IQCJ: variants seen among roughly 807,000 people sequenced by gnomAD.
IQCJ encodes the protein IQ domain-containing protein J.
IQCJ carries 9 observed loss-of-function variants against 11.0 expected under a neutral mutation model. That is an observed-to-expected ratio of 0.82 (90% CI 0.49 to 1.43). IQCJ has a LOEUF of 1.43. IQCJ is among the 40% of genes most tolerant of loss of function. The pLI is 0.00. For missense variants in IQCJ, 146 were observed against 133.2 expected (o/e 1.10, Z -0.47); for synonymous variants, 55 against 51.3 (o/e 1.07, Z -0.31).
intron 1 of IQCJ, among the ~76,000 whole-genome samples, chr3:159,204,073 T>G (rs1405170816): frequency 6.6e-6 from 1 of 152,206 alleles, no homozygotes; most frequent in Non-Finnish European, 1.5e-5. Flanking sequence ...ACAAAAGAGC[T>G]GAGTCTCCAC....
At chr3:159,125,679 C>T (rs980796605) in intron 1 of IQCJ, among the ~76,000 whole-genome samples, 5 of 152,220 alleles carry the variant, frequency 3.3e-5, no homozygotes, top group African/African-American at 1.2e-4. Context: ...ATTCACTGCC[C>T]TGTCATCTGA....
intron 1 of IQCJ, among the ~76,000 whole-genome samples, chr3:159,111,453 A>G (rs1718627212): frequency 6.6e-6 from 1 of 152,188 alleles, no homozygotes; most frequent in Non-Finnish European, 1.5e-5. Flanking sequence ...ATCTGGGGCT[A>G]TATTCTTGGG....
chr3:159,158,760 T>A (rs1721673091), intron 1 of IQCJ, among the ~76,000 whole-genome samples: 3 of 152,242 alleles, frequency 2.0e-5, no homozygotes, highest in African/African-American at 4.8e-5. Context: ...GATGTAGCCA[T>A]GTCACACTAT....
chr3:159,181,486 T>C lies in IQCJ; in HGVS notation c.10-64357T>C, dbSNP rs547073909. On this transcript the variant is annotated intron_variant, in intron 1 of 3. Transcript: ENST00000397832. ...ACCTCTTTATCCCTGAGTTGTCACC[T>C]GAACTGAACTTTAGGCTCAGAATCT... Among the ~76,000 whole-genome samples the C allele has an allele frequency of 5.1e-4, 76 of 150,306 alleles. 1 individual carries two copies. The highest frequency in any genetic ancestry group is 1.8e-3 in the African/African-American group (74 of 40,618).
At chr3:159,069,627 G>T in intron 1 of IQCJ, 186 bp downstream of exon 1, 1 of 745,610 alleles carries the variant, frequency 1.3e-6, no homozygotes, top group Non-Finnish European at 2.1e-6. Context: ...ATGTAGGCAT[G>T]TGTGCATAAA....
chr3:159,072,043 C>T (rs1314339114), intron 1 of IQCJ, among the ~76,000 whole-genome samples: 5 of 152,118 alleles, frequency 3.3e-5, no homozygotes, highest in African/African-American at 9.7e-5. Context: ...CATTGCCAAG[C>T]TGGCTTCTAG....
At chr3:159,265,197 A>C (rs1171100932), downstream of IQCJ, 2 of 1,606,084 alleles carry the variant, frequency 1.2e-6, no homozygotes, top group Non-Finnish European at 1.7e-6. Flanking sequence ...AGCTTGTTTT[A>C]TCTGCTGTGA....
chr3:159,091,652 AC>A (rs1717297106), intron 1 of IQCJ, among the ~76,000 whole-genome samples: 1 of 51,362 alleles, frequency 1.9e-5, no homozygotes, highest in Non-Finnish European at 4.1e-5. Flanking sequence ...GTATTTACAC[AC>A]ACACACACAC....
intron 1 of IQCJ, among the ~76,000 whole-genome samples, chr3:159,233,647 T>C (rs952339110): frequency 1.3e-5 from 2 of 152,130 alleles, no homozygotes; most frequent in Admixed American, 6.5e-5. Flanking sequence ...ATTTTACAGA[T>C]GATAAAACTG....
chr3:159,154,255 A>G (rs1721390744), intron 1 of IQCJ, among the ~76,000 whole-genome samples: 1 of 152,188 alleles, frequency 6.6e-6, no homozygotes, highest in African/African-American at 2.4e-5. Context: ...TCCACTTTAA[A>G]GAAATCCAAA....
chr3:159,120,024 A>C (rs985798968), intron 1 of IQCJ, among the ~76,000 whole-genome samples: 2 of 152,206 alleles, frequency 1.3e-5, no homozygotes, highest in Admixed American at 6.5e-5. Flanking sequence ...GCATGCCTTC[A>C]ATATATTTAC....
intron 1 of IQCJ, among the ~76,000 whole-genome samples, chr3:159,200,783 C>T (rs1281972600): frequency 1.3e-5 from 2 of 152,184 alleles, no homozygotes; most frequent in Non-Finnish European, 2.9e-5. Context: ...CAAGACTACA[C>T]TCAAGACTAC....
At chr3:159,216,723 T>C (rs80144560) in intron 1 of IQCJ, among the ~76,000 whole-genome samples, 5,358 of 152,232 alleles carry the variant, frequency 0.035, 285 homozygotes, top group African/African-American at 0.12. Context: ...CTTGTAGAAA[T>C]GCACAGTCCA....
intron 1 of IQCJ, among the ~76,000 whole-genome samples, chr3:159,232,707 G>C (rs1019159374): frequency 1.3e-5 from 2 of 152,066 alleles, no homozygotes; most frequent in African/African-American, 4.8e-5. Flanking sequence ...TGTTGATTTG[G>C]GGTGGAGAGT....
chr3:159,217,006 T>C (rs1248455373), intron 1 of IQCJ, among the ~76,000 whole-genome samples: 1 of 152,168 alleles, frequency 6.6e-6, no homozygotes, highest in Non-Finnish European at 1.5e-5. Flanking sequence ...TGAATTGAAA[T>C]AGATCATTTA....
chr3:159,207,431 ATT>A (rs991560202), intron 1 of IQCJ, among the ~76,000 whole-genome samples: 2 of 152,180 alleles, frequency 1.3e-5, no homozygotes, highest in African/African-American at 4.8e-5. Context: ...GAGCTATAGC[ATT>A]TCAAAATGAA....
At chr3:159,200,273 A>G (rs1464818558) in intron 1 of IQCJ, among the ~76,000 whole-genome samples, 1 of 151,742 alleles carries the variant, frequency 6.6e-6, no homozygotes, top group African/African-American at 2.4e-5. Flanking sequence ...TCTCTTGATT[A>G]AGAGGCCTGT....
At chr3:159,120,951 A>G (rs918345892) in intron 1 of IQCJ, among the ~76,000 whole-genome samples, 2 of 151,736 alleles carry the variant, frequency 1.3e-5, no homozygotes, top group African/African-American at 2.4e-5. Flanking sequence ...TTCAAATAAG[A>G]TGAAGGGTGA....
intron 2 of IQCJ, among the ~76,000 whole-genome samples, chr3:159,249,187 T>C (rs1238153256): frequency 6.6e-6 from 1 of 152,180 alleles, no homozygotes; most frequent in Non-Finnish European, 1.5e-5. Context: ...AAATGAAGTT[T>C]TTTTTGTTCT....
Sources: gnomAD v4.1 joint callset for allele counts (sites outside exome capture counted in the v4.1 genomes callset) on GRCh38, gnomAD v4.1.1 for gene constraint, MANE v1.5 for transcripts, NCBI Gene and HGNC (gene_info 2026-07-23, HGNC 2026-07-21) for gene names.